NKAIN3: variants seen among roughly 807,000 people sequenced by gnomAD.
NKAIN3 encodes the protein sodium/potassium-transporting ATPase subunit beta-1-interacting protein 3.
NKAIN3 carries 25 observed loss-of-function variants against 30.2 expected under a neutral mutation model. The observed-to-expected ratio is 0.83, with a 90% CI of 0.60 to 1.16. The LOEUF is 1.16. Ranked by LOEUF, NKAIN3 falls within the 50% of genes most tolerant of loss-of-function variation. NKAIN3 has a pLI of 0.00. For missense variants in NKAIN3, 225 were observed against 254.1 expected (o/e 0.89, Z 0.78); for synonymous variants, 91 against 89.6 (o/e 1.02, Z -0.09).
intron 1 of NKAIN3, among the ~76,000 whole-genome samples, chr8:62,258,677 A>T (rs1456359342): frequency 3.9e-5 from 6 of 152,128 alleles, no homozygotes; most frequent in Non-Finnish European, 4.4e-5. Flanking sequence ...AAAAAAGAAA[A>T]AAAGAATAAG....
chr8:62,569,640 G>T (rs369569002), intron 1 of NKAIN3, among the ~76,000 whole-genome samples: 1 of 152,102 alleles, frequency 6.6e-6, no homozygotes, highest in South Asian at 2.1e-4. Flanking sequence ...GCCAGGCATG[G>T]TGACTCATAC....
At chr8:62,566,462 A>C (rs1039254385) in intron 1 of NKAIN3, among the ~76,000 whole-genome samples, 3 of 143,852 alleles carry the variant, frequency 2.1e-5, no homozygotes, top group African/African-American at 7.7e-5. Flanking sequence ...AACTAAAGAA[A>C]GAAAAAAATT....
At chr8:62,598,618 G>A (rs1170042090) in intron 3 of NKAIN3, among the ~76,000 whole-genome samples, 1 of 152,018 alleles carries the variant, frequency 6.6e-6, no homozygotes, top group Admixed American at 6.6e-5. Context: ...ATTCCCGCGG[G>A]TTCTGTCTCT....
At chr8:62,763,038 T>C (rs940264459) in intron 4 of NKAIN3, among the ~76,000 whole-genome samples, 1 of 151,540 alleles carries the variant, frequency 6.6e-6, no homozygotes, top group African/African-American at 2.4e-5. Flanking sequence ...CTGGCTAATA[T>C]GGTGAAACCC....
chr8:62,372,388 T>C (rs2129593370), intron 1 of NKAIN3, among the ~76,000 whole-genome samples: 1 of 152,060 alleles, frequency 6.6e-6, no homozygotes. Context: ...GAAAGTTAAG[T>C]CATTATTTTC....
At chr8:62,782,882 G>C (rs1053908020) in intron 4 of NKAIN3, among the ~76,000 whole-genome samples, 2 of 151,412 alleles carry the variant, frequency 1.3e-5, no homozygotes, top group African/African-American at 4.9e-5. Context: ...TTTGTTAGCA[G>C]ACTAAGGTGA....
chr8:62,856,968 A>C (rs1361274444), intron 4 of NKAIN3: 6 of 542,626 alleles, frequency 1.1e-5, no homozygotes, highest in South Asian at 4.7e-5. Flanking sequence ...CAACAAAAAA[A>C]AAACAAACTA....
At chr8:62,382,767 G>A (rs1366743233) in intron 1 of NKAIN3, among the ~76,000 whole-genome samples, 1 of 152,076 alleles carries the variant, frequency 6.6e-6, no homozygotes, top group African/African-American at 2.4e-5. Flanking sequence ...GTGGCTGTTA[G>A]CTCTTTAATT....
chr8:62,788,197 C>T (rs189408149), intron 4 of NKAIN3, among the ~76,000 whole-genome samples: 2,835 of 152,268 alleles, frequency 0.019, 34 homozygotes, highest in Non-Finnish European at 0.032. Context: ...TCTCCAGCAC[C>T]TGTTGTTTCC....
intron 4 of NKAIN3, among the ~76,000 whole-genome samples, chr8:62,762,046 T>C (rs1816683322): frequency 6.6e-6 from 1 of 152,198 alleles, no homozygotes; most frequent in South Asian, 2.1e-4. Flanking sequence ...CTGGACATGG[T>C]AGCTCACGCC....
At chr8:62,354,198 A>G (rs2129591976) in intron 1 of NKAIN3, among the ~76,000 whole-genome samples, 1 of 152,310 alleles carries the variant, frequency 6.6e-6, no homozygotes, top group South Asian at 2.1e-4. Flanking sequence ...CATTCTTGCC[A>G]TGGTTTTTGT....
At chr8:62,632,121 T>C (rs1811982791) in intron 3 of NKAIN3, among the ~76,000 whole-genome samples, 1 of 152,164 alleles carries the variant, frequency 6.6e-6, no homozygotes, top group Non-Finnish European at 1.5e-5. Flanking sequence ...GGCCTCTCAG[T>C]GGCTATCTCC....
intron 3 of NKAIN3, among the ~76,000 whole-genome samples, chr8:62,642,818 C>A (rs1812348599): frequency 6.6e-6 from 1 of 151,856 alleles, no homozygotes; most frequent in Admixed American, 6.6e-5. Context: ...TATATATTAC[C>A]ATTTTTCTCA....
At chr8:62,439,747 G>T (rs899887543) in intron 1 of NKAIN3, among the ~76,000 whole-genome samples, 1 of 152,198 alleles carries the variant, frequency 6.6e-6, no homozygotes, top group African/African-American at 2.4e-5. Context: ...CTGTTAATTT[G>T]CATAGAACAA....
intron 3 of NKAIN3, among the ~76,000 whole-genome samples, chr8:62,681,968 A>G (rs1203418694): frequency 6.6e-6 from 1 of 152,158 alleles, no homozygotes; most frequent in Non-Finnish European, 1.5e-5. Context: ...AAGTAGGAAA[A>G]TGGTGGATAG....
chr8:62,932,940 T>C (rs16929897), intron 5 of NKAIN3, among the ~76,000 whole-genome samples: 13,601 of 150,404 alleles, frequency 0.09, 641 homozygotes, highest in South Asian at 0.15. Flanking sequence ...ACTAGCCATC[T>C]CCGAGGAAGA....
At chr8:62,467,047 C>T (rs780170036) in intron 1 of NKAIN3, among the ~76,000 whole-genome samples, 1 of 152,124 alleles carries the variant, frequency 6.6e-6, no homozygotes, top group Non-Finnish European at 1.5e-5. Context: ...CCTCCGACCT[C>T]TCACCTCACT....
chr8:62,904,687 C>T (rs1051189426), intron 4 of NKAIN3, among the ~76,000 whole-genome samples: 1 of 152,218 alleles, frequency 6.6e-6, no homozygotes, highest in African/African-American at 2.4e-5. Context: ...GTTTTCCTCC[C>T]TTACCTCACT....
intron 1 of NKAIN3, among the ~76,000 whole-genome samples, chr8:62,327,269 C>T (rs569294441): frequency 6.6e-6 from 1 of 152,024 alleles, no homozygotes; most frequent in South Asian, 2.1e-4. Context: ...CGTGGATTGC[C>T]TTTATACTCT....
Sources: gnomAD v4.1 joint callset for allele counts (sites outside exome capture counted in the v4.1 genomes callset) on GRCh38, gnomAD v4.1.1 for gene constraint, MANE v1.5 for transcripts, NCBI Gene and HGNC (gene_info 2026-07-23, HGNC 2026-07-21) for gene names.